The following GPR160 variants were observed in gnomAD, a reference collection of about 807,000 sequenced individuals.
GPR160 encodes the protein probable G protein-coupled receptor 160.
Under a neutral mutation model 2.6 loss-of-function variants are expected in GPR160, and 2 were observed. The ratio of observed to expected loss-of-function variants is 0.77; its 90% confidence interval spans 0.32 to 2.44. The LOEUF is 2.44. GPR160 is among the 30% of genes most tolerant of loss of function. The probability of loss-of-function intolerance (pLI) is 0.11; values close to 1 mark genes in which losing one functional copy is unlikely to be tolerated. For missense variants in GPR160, 351 were observed against 383.6 expected (o/e 0.91, Z 0.71); for synonymous variants, 130 against 132.2 (o/e 0.98, Z 0.12).
intron 2 of GPR160, among the ~76,000 whole-genome samples, chr3:170,072,165 C>A (rs1490756280): frequency 1.3e-5 from 2 of 148,684 alleles, no homozygotes; most frequent in Non-Finnish European, 3.0e-5. Flanking sequence ...ACCTCCACTT[C>A]CCGGGTTCAA....
intron 2 of GPR160, among the ~76,000 whole-genome samples, chr3:170,048,413 A>T (rs975128333): frequency 3.9e-5 from 6 of 152,168 alleles, no homozygotes; most frequent in African/African-American, 1.4e-4. Flanking sequence ...TAAAGCTATT[A>T]AAAAATTTTT....
intron 2 of GPR160, among the ~76,000 whole-genome samples, chr3:170,061,301 A>G (rs1327680282): frequency 6.6e-6 from 1 of 151,668 alleles, no homozygotes; most frequent in Non-Finnish European, 1.5e-5. Flanking sequence ...AAGATAAAAA[A>G]CAACAACAAC....
chr3:170,073,124 T>G (rs1182850845), intron 2 of GPR160, among the ~76,000 whole-genome samples: 1 of 151,954 alleles, frequency 6.6e-6, no homozygotes, highest in Non-Finnish European at 1.5e-5. Context: ...GGAGTTCAAG[T>G]TTACAGTGAG....
chr3:170,048,420 T>A (rs536405743), intron 2 of GPR160, among the ~76,000 whole-genome samples: 73 of 151,254 alleles, frequency 4.8e-4, no homozygotes, highest in East Asian at 2.5e-3. Flanking sequence ...ATTAAAAAAT[T>A]TTTTTTAAAT....
intron 3 of GPR160, among the ~76,000 whole-genome samples, chr3:170,082,896 A>G (rs749940468): frequency 1.3e-5 from 2 of 151,292 alleles, no homozygotes; most frequent in Non-Finnish European, 2.9e-5. Context: ...CACCCAGCCA[A>G]CCTGTGTTGT....
intron 2 of GPR160, among the ~76,000 whole-genome samples, chr3:170,050,631 C>T (rs1019382973): frequency 3.9e-5 from 6 of 152,148 alleles, no homozygotes; most frequent in Admixed American, 3.9e-4. Flanking sequence ...CCACCTGTAG[C>T]CCCAGATAGC....
rs148749842 is a variant in GPR160 at position 170,084,776 on chromosome 3, G to A, written c.804G>A (p.Gln268=). The part of the protein sequence containing the change: ...LQVIIVLLKV[Q]IPAYIEMNIP... ...TAATCATTGTTTTACTTAAAGTTCA[G>A]ATTCCAGCATATATTGAGATGAATA... Residue 268 remains glutamine, a synonymous_variant, in exon 4 of 4, where the codon CAG becomes CAA. Coordinates refer to ENST00000355897, the MANE Select transcript of GPR160 (RefSeq NM_014373.3). 2.5e-6 allele frequency: 4 copies of A among 1,605,834 alleles called. No homozygotes were observed. The highest frequency in any genetic ancestry group is 1.1e-5 in the South Asian group (1 of 90,774).
In GPR160 at chr3:170,085,036, A is replaced by T; in HGVS notation, c.*47A>T. On this transcript the variant is annotated 3_prime_UTR_variant, in exon 4 of 4. Coordinates refer to ENST00000355897, the MANE Select transcript of GPR160 (RefSeq NM_014373.3). ...GCTGTCATAAGATCATAATTTTATG[A>T]ACAGAAAGAACTCAGGACATATTAA... 9.7e-7 allele frequency: 1 copy of T among 1,035,184 alleles called. No homozygotes were observed. The allele number at this position is 1,035,184 out of a possible 1,614,324, so 64.1% of individuals were successfully genotyped here.
chr3:170,046,009 G>A (rs539206306), intron 2 of GPR160, among the ~76,000 whole-genome samples: 1 of 152,328 alleles, frequency 6.6e-6, no homozygotes, highest in East Asian at 1.9e-4. Context: ...CTGGCATGGA[G>A]TAGGATGGAT....
At chr3:170,054,153 G>A (rs1430932712) in intron 2 of GPR160, among the ~76,000 whole-genome samples, 1 of 151,164 alleles carries the variant, frequency 6.6e-6, no homozygotes, top group Non-Finnish European at 1.5e-5. Flanking sequence ...AGCCCTGCCT[G>A]CCCAACAAAC....
intron 3 of GPR160, among the ~76,000 whole-genome samples, chr3:170,080,171 G>A (rs1270972395): frequency 6.6e-6 from 1 of 152,172 alleles, no homozygotes; most frequent in African/African-American, 2.4e-5. Flanking sequence ...TTTTTCTAGA[G>A]AAAATTCAGG....
intron 2 of GPR160, among the ~76,000 whole-genome samples, chr3:170,074,385 A>G (rs1712748430): frequency 6.6e-6 from 1 of 151,718 alleles, no homozygotes. Context: ...TATTAATTTT[A>G]TTGGTTCTTT....
intron 2 of GPR160, among the ~76,000 whole-genome samples, chr3:170,059,025 G>A (rs1711791689): frequency 8.7e-6 from 1 of 115,390 alleles, no homozygotes; most frequent in African/African-American, 3.6e-5. Context: ...ACACACACAT[G>A]CACAAACACA....
chr3:170,066,154 T>C (rs1712323775), intron 2 of GPR160, among the ~76,000 whole-genome samples: 1 of 128,668 alleles, frequency 7.8e-6, no homozygotes, highest in Non-Finnish European at 1.7e-5. Flanking sequence ...TTTTTTTTTT[T>C]TTTTGTGACA....
rs757623733 is a variant in GPR160 at position 170,084,851 on chromosome 3, G to T, written c.879G>T (p.Trp293Cys). The T allele has an allele frequency of 2.5e-6, 4 of 1,609,936 alleles. No homozygotes were observed. Among genetic ancestry groups the T allele is most frequent in the Non-Finnish European group, 3.4e-6 (4 of 1,176,852 alleles). The part of the protein sequence containing the change: ...VNSFLIATVY[W>C]FNCHKLNLKD... ...GTTTTCTCATTGCTACAGTGTATTG[G>T]TTTAATTGTCACAAGCTTAATTTAA... is the stretch of plus-strand genomic sequence containing the variant. Residue 293 changes from tryptophan (W) to cysteine (C), a missense_variant, in exon 4 of 4, where the codon TGG becomes TGT. Trp to Cys is a radical substitution (Grantham distance 215). Transcript: ENST00000355897.
chr3:170,038,043 G>C lies in GPR160; in HGVS notation c.-494G>C, dbSNP rs1190588635. The C allele has an allele frequency of 6.5e-6, 1 of 152,722 alleles. No individual in the cohort carries two copies. Among genetic ancestry groups the C allele is most frequent in the African/African-American group, 2.4e-5 (1 of 41,450 alleles). 9.5% of individuals were successfully genotyped at this position (152,722 alleles called of 1,614,324 possible). A position where few individuals can be genotyped will look rare whatever the true frequency, so the allele number is the denominator to read the frequency against. On this transcript the variant is annotated 5_prime_UTR_variant, in exon 1 of 4. Transcript: ENST00000355897. This position sits in a 1 kb window ranked among gnomAD's most constrained non-coding sequence, Gnocchi z 5.3. ...TGAGCCACAGCAGGGTCGCCGCGGG[G>C]TCCCGGGGCCGTGCTCCCCTGCCCC...
chr3:170,053,805 T>C (rs1280311314), intron 2 of GPR160, among the ~76,000 whole-genome samples: 1 of 152,172 alleles, frequency 6.6e-6, no homozygotes, highest in Non-Finnish European at 1.5e-5. Context: ...TGAATGGTTG[T>C]TGAATTTTTT....
At chr3:170,046,854 A>G (rs115409041) in intron 2 of GPR160, among the ~76,000 whole-genome samples, 1 of 152,184 alleles carries the variant, frequency 6.6e-6, no homozygotes, top group Non-Finnish European at 1.5e-5. Context: ...AAATGAGAAC[A>G]TGGAATGGCC....
chr3:170,050,983 G>A (rs1716933140), intron 2 of GPR160, among the ~76,000 whole-genome samples: 1 of 152,042 alleles, frequency 6.6e-6, no homozygotes, highest in Non-Finnish European at 1.5e-5. Context: ...GATTTGTAGG[G>A]GTATAATTGC....
Sources: gnomAD v4.1 joint callset for allele counts (sites outside exome capture counted in the v4.1 genomes callset) on GRCh38, gnomAD v4.1.1 for gene constraint, Gnocchi (gnomAD v3.1) non-coding constraint, MANE v1.5 for transcripts, NCBI Gene and HGNC (gene_info 2026-07-23, HGNC 2026-07-21) for gene names.